Variants in KIAA1217 observed in about 807,000 individuals in gnomAD.
The protein encoded by KIAA1217 is sickle tail protein homolog.
A neutral mutation model predicts 163.9 loss-of-function variants in KIAA1217; 88 were observed. That is an observed-to-expected ratio of 0.54 (90% CI 0.45 to 0.64). The LOEUF (loss-of-function observed/expected upper bound fraction) is 0.64. Among genes scored for constraint, KIAA1217 ranks in the 30% least tolerant of loss-of-function variants. KIAA1217 has a pLI of 0.00. For synonymous variants in KIAA1217, 903 were observed against 923.1 expected (o/e 0.98, Z 0.39); for missense variants, 2,372 against 2,475.0 (o/e 0.96, Z 0.88).
intron 1 of KIAA1217, among the ~76,000 whole-genome samples, chr10:23,819,607 A>G (rs1331743398): frequency 6.6e-6 from 1 of 152,214 alleles, no homozygotes; most frequent in Non-Finnish European, 1.5e-5. Flanking sequence ...TTAAAATAGT[A>G]TGCAAACACT....
intron 1 of KIAA1217, among the ~76,000 whole-genome samples, chr10:23,967,842 C>A (rs1845131921): frequency 6.6e-6 from 1 of 151,784 alleles, no homozygotes; most frequent in Admixed American, 6.6e-5. Context: ...ATTGCTTAGG[C>A]ACTTAGACAT....
chr10:24,336,502 T>A (rs2046374286), intron 2 of KIAA1217, among the ~76,000 whole-genome samples: 1 of 152,220 alleles, frequency 6.6e-6, no homozygotes, highest in Non-Finnish European at 1.5e-5. Flanking sequence ...CTCAGTATGT[T>A]AGGTCTGAAG....
chr10:23,878,545 C>T lies in KIAA1217; in HGVS notation c.-320-128680C>T, dbSNP rs571802942. ...TTGAGAGAGAAGCAGAATAAATACA[C>T]AAATAAGTGAAAGATGTAGTGTGTC... On this transcript the variant is annotated intron_variant, in intron 1 of 18. Transcript: ENST00000376462. Among the ~76,000 whole-genome samples the T allele has an allele frequency of 4.0e-5, 6 of 151,770 alleles. No individual in the cohort carries two copies. In the South Asian group the frequency reaches 1.2e-3, roughly 32 times the overall value.
intron 3 of KIAA1217, among the ~76,000 whole-genome samples, chr10:24,394,019 C>T (rs991968565): frequency 6.6e-6 from 1 of 152,202 alleles, no homozygotes; most frequent in African/African-American, 2.4e-5. Context: ...GTTTGTCAAG[C>T]TTTCCATTCA....
Position 24,524,389 on chromosome 10 carries a change from A to C in KIAA1217, c.2523A>C (p.Glu841Asp). 1 of 1,614,190 alleles carries C rather than the reference A, an allele frequency of 6.2e-7. No individual in the cohort carries two copies. The highest frequency in any genetic ancestry group is 8.5e-7 in the Non-Finnish European group (1 of 1,180,020). ...AAQAAQYMAM[E>D]KATAAEVLKS... ...AAGCCGCACAGTACATGGCTATGGA[A>C]AAGGCCACAGCCGCAGAAGTCCTGA... Residue 841 changes from glutamate (E) to aspartate (D), a missense_variant, in exon 13 of 21, where the codon GAA (glutamate) becomes GAC (aspartate). Glu to Asp is a conservative substitution (Grantham distance 45). Around this residue, in one of 3 missense-constraint regions of KIAA1217, gnomAD observed 1,431 missense variants for 1,470.3 expected, o/e 0.97. Transcript: ENST00000376454.
intron 2 of KIAA1217, among the ~76,000 whole-genome samples, chr10:24,105,697 C>T (rs1371921421): frequency 6.6e-6 from 1 of 152,162 alleles, no homozygotes; most frequent in East Asian, 1.9e-4. Flanking sequence ...CATTTCTCAG[C>T]AAATCTTTAT....
chr10:24,367,950 C>T (rs2051018011), intron 2 of KIAA1217, among the ~76,000 whole-genome samples: 1 of 152,208 alleles, frequency 6.6e-6, no homozygotes, highest in Non-Finnish European at 1.5e-5. Context: ...TGACCTCCTT[C>T]CCATTGGTCA....
intron 2 of KIAA1217, among the ~76,000 whole-genome samples, chr10:24,140,253 A>C (rs1460113381): frequency 6.6e-6 from 1 of 151,728 alleles, no homozygotes; most frequent in African/African-American, 2.4e-5. Context: ...CCAGCTACTC[A>C]GGAGGCTGAG....
chr10:23,836,435 T>C (rs1838453727), intron 1 of KIAA1217, among the ~76,000 whole-genome samples: 1 of 151,160 alleles, frequency 6.6e-6, no homozygotes, highest in African/African-American at 2.4e-5. Context: ...CAGACCGCCA[T>C]GCAGGAGCCA....
intron 3 of KIAA1217, among the ~76,000 whole-genome samples, chr10:24,411,081 G>A (rs1050110718): frequency 1.3e-5 from 2 of 152,180 alleles, no homozygotes; most frequent in African/African-American, 4.8e-5. Context: ...ATATCAGAAT[G>A]TACTGTGCAT....
rs572110475 is a variant in KIAA1217 at position 23,793,237 on chromosome 10, A to T, written c.-321+98003A>T. ...CAGTTGTCTCACTGTGGTCACAAGG[A>T]GAACTTCACAAGTGAGTGGAGAGGA... On this transcript the variant is annotated intron_variant, in intron 1 of 18. Coordinates refer to the KIAA1217 transcript ENST00000376462. 3.9e-5 allele frequency among the ~76,000 whole-genome samples: 6 copies of T among 152,312 alleles called. No homozygotes were observed. The South Asian group carries it at 6.2e-4, about 16-fold the overall frequency.
At chr10:24,314,943 A>G (rs909133729) in intron 2 of KIAA1217, among the ~76,000 whole-genome samples, 1 of 151,310 alleles carries the variant, frequency 6.6e-6, no homozygotes, top group Non-Finnish European at 1.5e-5. Context: ...GACTGTCTCG[A>G]AAAAAAAATA....
chr10:23,896,498 G>A (rs1416144042), intron 1 of KIAA1217, among the ~76,000 whole-genome samples: 1 of 152,034 alleles, frequency 6.6e-6, no homozygotes, highest in Non-Finnish European at 1.5e-5. Context: ...GATCACCACA[G>A]TGCAGTGCTA....
At chr10:23,954,235 T>C (rs1205604770) in intron 1 of KIAA1217, among the ~76,000 whole-genome samples, 1 of 151,762 alleles carries the variant, frequency 6.6e-6, no homozygotes, top group Non-Finnish European at 1.5e-5. Context: ...GGCAGAAAAA[T>C]TATGAGTCCT....
chr10:23,900,194 T>A (rs990508562), intron 1 of KIAA1217, among the ~76,000 whole-genome samples: 3 of 151,762 alleles, frequency 2.0e-5, no homozygotes, highest in Non-Finnish European at 4.4e-5. Context: ...TTAGTAGAGA[T>A]GAGGTTTTGC....
intron 2 of KIAA1217, among the ~76,000 whole-genome samples, chr10:24,336,562 A>G (rs768479555): frequency 6.6e-6 from 1 of 152,190 alleles, no homozygotes; most frequent in African/African-American, 2.4e-5. Flanking sequence ...CCTGAGCACT[A>G]TGATGCCATT....
chr10:24,354,734 T>TGTCCTCTG (rs147412055), intron 2 of KIAA1217, among the ~76,000 whole-genome samples: 2 of 67,042 alleles, frequency 3.0e-5, no homozygotes, highest in Non-Finnish European at 6.1e-5. Context: ...CCTTCTCTTC[T>TGTCCTCTG]CTCCTCTGCT....
intron 1 of KIAA1217, among the ~76,000 whole-genome samples, chr10:23,704,020 G>A (rs1344431052): frequency 6.7e-6 from 1 of 149,084 alleles, no homozygotes; most frequent in African/African-American, 2.5e-5. Context: ...CATCAGGGTG[G>A]GTCTTTGGAA....
intron 2 of KIAA1217, among the ~76,000 whole-genome samples, chr10:24,323,788 C>CGTGTGTGTGTGTGTGTGTGT (rs60528535): frequency 6.9e-6 from 1 of 144,184 alleles, no homozygotes; most frequent in African/African-American, 2.6e-5. Context: ...GTTTTCTCTT[C>CGTGTGTGTGTGTGTGTGTGT]GTGTGTGTGT....
Sources: gnomAD v4.1 joint callset for allele counts (sites outside exome capture counted in the v4.1 genomes callset) on GRCh38, gnomAD v4.1.1 for gene constraint, gnomAD v4.1.1 regional missense constraint, MANE v1.5 for transcripts, NCBI Gene and HGNC (gene_info 2026-07-23, HGNC 2026-07-21) for gene names.